The following FOXP1 variants were observed in gnomAD, a reference collection of about 807,000 sequenced individuals.
FOXP1 encodes the protein forkhead box protein P1.
In FOXP1, 15 loss-of-function variants were observed where a neutral mutation model predicts 98.2. The ratio of observed to expected loss-of-function variants is 0.15; its 90% CI spans 0.10 to 0.24. The LOEUF (loss-of-function observed/expected upper bound fraction) is 0.24. Among genes scored for constraint, FOXP1 ranks in the 10% least tolerant of loss-of-function variants. FOXP1 has a pLI of 1.00. For missense variants in FOXP1, 633 were observed against 848.5 expected, an observed-to-expected ratio of 0.75 and a Z score of 3.15; for synonymous variants, 371 against 314.5, an observed-to-expected ratio of 1.18 and a Z score of -1.90.
chr3:71,486,286 T>C (rs765480769), intron 3 of FOXP1, among the ~76,000 whole-genome samples: 17 of 152,034 alleles, frequency 1.1e-4, no homozygotes, highest in Non-Finnish European at 2.5e-4. Flanking sequence ...ATAGGAAAAG[T>C]AAGTGCCTGA....
intron 5 of FOXP1, among the ~76,000 whole-genome samples, chr3:71,258,493 T>C (rs1004008554): frequency 1.3e-5 from 2 of 152,150 alleles, no homozygotes; most frequent in African/African-American, 4.8e-5. Flanking sequence ...GTCCCTTAGG[T>C]GACACCCAGA....
chr3:71,527,069 T>A (rs1181296997), intron 2 of FOXP1, among the ~76,000 whole-genome samples: 3 of 151,350 alleles, frequency 2.0e-5, no homozygotes, highest in Non-Finnish European at 4.4e-5. Flanking sequence ...TTGTAAAGAC[T>A]CTTCTTCCTC....
intron 6 of FOXP1, among the ~76,000 whole-genome samples, chr3:71,161,663 G>A (rs73838201): frequency 6.6e-6 from 1 of 152,210 alleles, no homozygotes; most frequent in Admixed American, 6.5e-5. Flanking sequence ...TGTCAAGCAA[G>A]AGAATTTAAG....
intron 6 of FOXP1, among the ~76,000 whole-genome samples, chr3:71,153,106 C>T (rs1318225882): frequency 6.6e-6 from 1 of 152,190 alleles, no homozygotes; most frequent in African/African-American, 2.4e-5. Context: ...TAAGCACATC[C>T]TGCTTTCTGT....
At chr3:71,207,515 A>G (rs1173093121) in intron 5 of FOXP1, among the ~76,000 whole-genome samples, 1 of 152,174 alleles carries the variant, frequency 6.6e-6, no homozygotes, top group Non-Finnish European at 1.5e-5. Flanking sequence ...AAAAACTCCA[A>G]TATACATATA....
At chr3:71,098,995 T>A (rs1468412656) in intron 7 of FOXP1, among the ~76,000 whole-genome samples, 1 of 152,228 alleles carries the variant, frequency 6.6e-6, no homozygotes, top group Non-Finnish European at 1.5e-5. Flanking sequence ...TTTACAGATG[T>A]TACTCAGCTA....
chr3:71,442,631 G>A (rs2086049384), intron 3 of FOXP1, among the ~76,000 whole-genome samples: 1 of 152,146 alleles, frequency 6.6e-6, no homozygotes, highest in Non-Finnish European at 1.5e-5. Flanking sequence ...CCACAGAGAA[G>A]CTTCCTCCAT....
chr3:70,977,558 C>T (rs1370679113), intron 16 of FOXP1, 85 bp downstream of exon 16: 9 of 1,164,118 alleles, frequency 7.7e-6, no homozygotes, highest in South Asian at 5.0e-5. Flanking sequence ...GCATACTAAA[C>T]GGTTTTTAAA....
intron 7 of FOXP1, among the ~76,000 whole-genome samples, chr3:71,103,430 C>G (rs1306904623): frequency 6.6e-6 from 1 of 151,514 alleles, no homozygotes; most frequent in African/African-American, 2.4e-5. Flanking sequence ...AAGCACCAAA[C>G]TTTTCGAGCT....
intron 2 of FOXP1, among the ~76,000 whole-genome samples, chr3:71,497,907 C>G (rs947663098): frequency 2.0e-5 from 3 of 152,148 alleles, no homozygotes; most frequent in African/African-American, 7.2e-5. Flanking sequence ...TAGAGAAAAG[C>G]CGAGAAGTGC....
intron 3 of FOXP1, among the ~76,000 whole-genome samples, chr3:71,439,489 T>C (rs1427003333): frequency 2.6e-5 from 4 of 152,190 alleles, no homozygotes; most frequent in Admixed American, 6.5e-5. Context: ...ACTGGGAATA[T>C]TCCCTAGAGA....
intron 7 of FOXP1, among the ~76,000 whole-genome samples, chr3:71,104,380 TC>T (rs2057251423): frequency 6.6e-6 from 1 of 152,176 alleles, no homozygotes; most frequent in Non-Finnish European, 1.5e-5. Context: ...TCACAGCCTA[TC>T]CAAGAAGAAG....
At chr3:71,126,937 A>C (rs2059249179) in intron 6 of FOXP1, among the ~76,000 whole-genome samples, 1 of 152,112 alleles carries the variant, frequency 6.6e-6, no homozygotes, top group Non-Finnish European at 1.5e-5. Context: ...TTCTTAAGCA[A>C]AAACTGGAAT....
chr3:71,407,872 T>C (rs1028657394), intron 3 of FOXP1, among the ~76,000 whole-genome samples: 4 of 152,210 alleles, frequency 2.6e-5, no homozygotes, highest in African/African-American at 7.2e-5. Flanking sequence ...CGTACAAGAA[T>C]TATCTGTCGC....
intron 3 of FOXP1, among the ~76,000 whole-genome samples, chr3:71,374,420 C>A (rs932566661): frequency 1.4e-4 from 21 of 152,054 alleles, no homozygotes; most frequent in Non-Finnish European, 2.9e-4. Flanking sequence ...AAGGTGAAAC[C>A]AGTTTGTACT....
At chr3:71,559,806 C>T (rs547421187) in intron 2 of FOXP1, among the ~76,000 whole-genome samples, 1 of 152,106 alleles carries the variant, frequency 6.6e-6, no homozygotes, top group South Asian at 2.1e-4. Flanking sequence ...GTGATTGCAT[C>T]ACTGCATTCC....
chr3:71,267,048 C>A (rs2069743285), intron 5 of FOXP1, among the ~76,000 whole-genome samples: 1 of 152,004 alleles, frequency 6.6e-6, no homozygotes, highest in Admixed American at 6.6e-5. Flanking sequence ...GGCCACATCA[C>A]CTCAATACAT....
intron 5 of FOXP1, among the ~76,000 whole-genome samples, chr3:71,297,073 A>C (rs1025695685): frequency 3.9e-5 from 6 of 152,208 alleles, no homozygotes; most frequent in African/African-American, 1.4e-4. Context: ...AGCAACACCA[A>C]ACAGACGAAG....
At chr3:71,275,150 A>C (rs2070759514) in intron 5 of FOXP1, among the ~76,000 whole-genome samples, 1 of 152,190 alleles carries the variant, frequency 6.6e-6, no homozygotes, top group African/African-American at 2.4e-5. Context: ...CTTCATCCAA[A>C]TACTATTCTA....
Sources: gnomAD v4.1 joint callset for allele counts (sites outside exome capture counted in the v4.1 genomes callset) on GRCh38, gnomAD v4.1.1 for gene constraint, MANE v1.5 for transcripts, NCBI Gene and HGNC (gene_info 2026-07-23, HGNC 2026-07-21) for gene names.